The following SIPA1L1 variants were observed in gnomAD, a reference collection of about 807,000 sequenced individuals.
SIPA1L1 encodes signal-induced proliferation-associated 1-like protein 1.
Under a neutral mutation model 162.7 loss-of-function variants are expected in SIPA1L1, and 26 were observed. The observed-to-expected ratio is 0.16, with a 90% confidence interval of 0.12 to 0.22. The LOEUF is 0.22. Ranked by LOEUF, SIPA1L1 falls within the 10% of genes least tolerant of loss-of-function variation. SIPA1L1 has a pLI of 1.00. For synonymous variants in SIPA1L1, 829 were observed against 837.4 expected (o/e 0.99, Z 0.17); for missense variants, 1,874 against 2,241.0 (o/e 0.84, Z 3.31).
intron 10 of SIPA1L1, among the ~76,000 whole-genome samples, chr14:71,662,044 T>G (rs904439777): frequency 1.3e-5 from 2 of 152,066 alleles, no homozygotes; most frequent in Admixed American, 6.6e-5. Flanking sequence ...GAGTTAGGAG[T>G]TGAAGGAGAT....
intron 2 of SIPA1L1, among the ~76,000 whole-genome samples, chr14:71,471,958 A>G (rs894614168): frequency 6.6e-6 from 1 of 152,228 alleles, no homozygotes; most frequent in Non-Finnish European, 1.5e-5. Flanking sequence ...GAGGTTGGGT[A>G]GAGGAGGAAG....
chr14:71,702,561 CCT>C, intron 15 of SIPA1L1, 56 bp downstream of exon 15: 2 of 1,505,040 alleles, frequency 1.3e-6, no homozygotes, highest in Non-Finnish European at 1.8e-6. Context: ...ACTTAGGTCA[CCT>C]CTTGATGATG....
At chr14:71,457,453 C>T (rs149712059) in intron 2 of SIPA1L1, among the ~76,000 whole-genome samples, 53 of 151,998 alleles carry the variant, frequency 3.5e-4, no homozygotes, top group African/African-American at 1.1e-3. Flanking sequence ...CACATGTCAC[C>T]ACTCCTAGCT....
intron 2 of SIPA1L1, among the ~76,000 whole-genome samples, chr14:71,396,932 T>C (rs1293359385): frequency 1.3e-5 from 2 of 152,228 alleles, no homozygotes; most frequent in African/African-American, 4.8e-5. Flanking sequence ...TTCTGTAGAA[T>C]ATCTTATATT....
At chr14:71,486,815 T>C (rs1005787421) in intron 2 of SIPA1L1, among the ~76,000 whole-genome samples, 1 of 152,248 alleles carries the variant, frequency 6.6e-6, no homozygotes, top group African/African-American at 2.4e-5. Context: ...CTTTTAAATC[T>C]ATAAATATTA....
At chr14:71,718,049 G>A (rs915859135) in intron 17 of SIPA1L1, among the ~76,000 whole-genome samples, 1 of 152,190 alleles carries the variant, frequency 6.6e-6, no homozygotes, top group Non-Finnish European at 1.5e-5. Context: ...AACAATGTGT[G>A]TAATTCAACT....
At chr14:71,582,379 T>A (rs1236188919) in intron 4 of SIPA1L1, among the ~76,000 whole-genome samples, 1 of 152,106 alleles carries the variant, frequency 6.6e-6, no homozygotes. Flanking sequence ...CGTAACTTGT[T>A]CCCGCATTCT....
At chr14:71,544,653 C>G (rs1486938071) in intron 4 of SIPA1L1, among the ~76,000 whole-genome samples, 1 of 152,016 alleles carries the variant, frequency 6.6e-6, no homozygotes, top group Non-Finnish European at 1.5e-5. Flanking sequence ...AATGAAACAA[C>G]TGTTAAGGTT....
intron 4 of SIPA1L1, among the ~76,000 whole-genome samples, chr14:71,564,780 C>T (rs965784963): frequency 6.6e-5 from 10 of 152,172 alleles, no homozygotes; most frequent in Admixed American, 3.3e-4. Flanking sequence ...TGAGCCACCA[C>T]GCCCGGCCAT....
intron 2 of SIPA1L1, among the ~76,000 whole-genome samples, chr14:71,436,693 TTC>T (rs1206314548): frequency 6.6e-6 from 1 of 151,956 alleles, no homozygotes; most frequent in Non-Finnish European, 1.5e-5. Context: ...CTTATTACTC[TTC>T]TTTTTTATAA....
At chr14:71,322,346 T>A (rs2033150475) in intron 2 of SIPA1L1, among the ~76,000 whole-genome samples, 1 of 152,240 alleles carries the variant, frequency 6.6e-6, no homozygotes, top group African/African-American at 2.4e-5. Context: ...CAAGGTTAGA[T>A]CATACTGAAT....
intron 7 of SIPA1L1, among the ~76,000 whole-genome samples, chr14:71,646,431 C>G (rs2042177622): frequency 6.6e-6 from 1 of 152,204 alleles, no homozygotes; most frequent in African/African-American, 2.4e-5. Context: ...CCGCCTCGGC[C>G]TCCCAAAGTG....
At chr14:71,627,183 G>GTTTTTTTTTTTTTTT (rs1227637387) in intron 7 of SIPA1L1, among the ~76,000 whole-genome samples, 1 of 73,540 alleles carries the variant, frequency 1.4e-5, no homozygotes. Flanking sequence ...TTGAGACAGG[G>GTTTTTTTTTTTTTTT]TCTCTGTTTC....
At chr14:71,567,369 T>G (rs1478681389) in intron 4 of SIPA1L1, among the ~76,000 whole-genome samples, 1 of 152,174 alleles carries the variant, frequency 6.6e-6, no homozygotes, top group East Asian at 1.9e-4. Context: ...GTCAACAAAT[T>G]CTGGTGTATG....
chr14:71,728,095 G>C (rs1004345318), intron 19 of SIPA1L1, among the ~76,000 whole-genome samples: 1 of 152,176 alleles, frequency 6.6e-6, no homozygotes, highest in Non-Finnish European at 1.5e-5. Context: ...TACTGGAAAA[G>C]GAAATCCCTT....
intron 2 of SIPA1L1, among the ~76,000 whole-genome samples, chr14:71,439,653 T>C (rs775873558): frequency 6.6e-6 from 1 of 152,242 alleles, no homozygotes. Context: ...TAAAATTTGG[T>C]AGCACAGTCT....
intron 4 of SIPA1L1, among the ~76,000 whole-genome samples, chr14:71,554,391 A>G (rs2056161667): frequency 6.6e-6 from 1 of 152,242 alleles, no homozygotes; most frequent in African/African-American, 2.4e-5. Flanking sequence ...AATAAAAAAT[A>G]TAAAGATTTT....
At chr14:71,565,857 A>G (rs913609447) in intron 4 of SIPA1L1, among the ~76,000 whole-genome samples, 14 of 151,978 alleles carry the variant, frequency 9.2e-5, no homozygotes, top group African/African-American at 2.7e-4. Flanking sequence ...TTAACTTTCT[A>G]TTTTTCCATA....
intron 4 of SIPA1L1, among the ~76,000 whole-genome samples, chr14:71,585,192 A>C (rs1435658100): frequency 6.6e-6 from 1 of 151,982 alleles, no homozygotes; most frequent in Non-Finnish European, 1.5e-5. Context: ...AGAAAAAAAA[A>C]ACATAGAAAA....
Sources: allele counts gnomAD v4.1 joint callset (sites outside exome capture counted in the v4.1 genomes callset), GRCh38; gene constraint gnomAD v4.1.1; transcripts MANE v1.5; gene names NCBI Gene and HGNC (gene_info 2026-07-23, HGNC 2026-07-21).